The following SND1 variants were observed in gnomAD, a reference collection of about 807,000 sequenced individuals.
SND1 encodes staphylococcal nuclease and tudor domain containing 1.
SND1 carries 38 observed loss-of-function variants against 121.7 expected under a neutral mutation model. The ratio of observed to expected loss-of-function variants is 0.31; its 90% CI spans 0.24 to 0.41. The LOEUF (loss-of-function observed/expected upper bound fraction) is 0.41, where lower values mean the gene tolerates loss of function less well. SND1 is among the 10% of genes least tolerant of loss of function. The pLI is 1.00. For synonymous variants in SND1, 401 were observed against 447.4 expected (o/e 0.90, Z 1.31); for missense variants, 868 against 1,184.6 (o/e 0.73, Z 3.92).
chr7:127,864,316 G>C (rs1442795388), intron 12 of SND1, among the ~76,000 whole-genome samples: 1 of 151,632 alleles, frequency 6.6e-6, no homozygotes, highest in Admixed American at 6.6e-5. Context: ...CAATCTGATG[G>C]CTTCTCACTT....
intron 16 of SND1, among the ~76,000 whole-genome samples, chr7:128,071,663 C>T (rs1027342560): frequency 2.6e-5 from 4 of 152,174 alleles, no homozygotes; most frequent in Admixed American, 6.5e-5. Flanking sequence ...AGCGTCACAC[C>T]GAATTCCACA....
At chr7:128,076,091 T>C (rs1316264636) in intron 17 of SND1, among the ~76,000 whole-genome samples, 1 of 152,186 alleles carries the variant, frequency 6.6e-6, no homozygotes, top group Non-Finnish European at 1.5e-5. Flanking sequence ...TCCTGGCTTT[T>C]CAGCAGTGAA....
intron 10 of SND1, among the ~76,000 whole-genome samples, chr7:127,788,463 A>G (rs1797851966): frequency 1.3e-5 from 2 of 152,124 alleles, no homozygotes; most frequent in Admixed American, 1.3e-4. Context: ...CTTTTAATTT[A>G]CTCATTTAAT....
chr7:127,898,151 A>G (rs1800156017), intron 13 of SND1, among the ~76,000 whole-genome samples: 1 of 151,976 alleles, frequency 6.6e-6, no homozygotes, highest in Non-Finnish European at 1.5e-5. Flanking sequence ...GCCACTGTAG[A>G]TCCATTGTCA....
Position 128,028,580 on chromosome 7 carries a change from A to G in SND1, c.1779+37524A>G, listed in dbSNP as rs796839952. 8.0e-6 allele frequency: 9 copies of G among 1,118,816 alleles called. No individual in the cohort carries two copies. In the African/African-American group the frequency reaches 1.3e-4, roughly 16 times the overall value. 69.3% of individuals were successfully genotyped at this position (1,118,816 alleles called of 1,614,324 possible). A position where few individuals can be genotyped will look rare whatever the true frequency, so the allele number is the denominator to read the frequency against. On this transcript the variant is annotated intron_variant, in intron 16 of 23. Transcript: ENST00000354725. ...TTTAACCAGCCCATAGACTTAATAT[A>G]TAAGCATATACAAGAAAAAGTCTCT...
intron 10 of SND1, among the ~76,000 whole-genome samples, chr7:127,771,906 T>C (rs1056197376): frequency 8.5e-5 from 13 of 152,178 alleles, no homozygotes; most frequent in African/African-American, 3.1e-4. Context: ...GTGGTTTCGC[T>C]TCCGGCTGGG....
chr7:128,046,326 T>A (rs991931327), intron 16 of SND1, among the ~76,000 whole-genome samples: 1 of 150,676 alleles, frequency 6.6e-6, no homozygotes, highest in Non-Finnish European at 1.5e-5. Context: ...TTTTTTGGGG[T>A]TTTTTGTTTT....
chr7:128,078,599 G>A (rs183171860), intron 17 of SND1, among the ~76,000 whole-genome samples: 11 of 152,336 alleles, frequency 7.2e-5, no homozygotes, highest in East Asian at 1.9e-4. Context: ...GTGACCTCAC[G>A]CCTGCTGCCC....
At chr7:127,756,049 G>A (rs183464859) in intron 10 of SND1, among the ~76,000 whole-genome samples, 1 of 152,274 alleles carries the variant, frequency 6.6e-6, no homozygotes, top group East Asian at 1.9e-4. Context: ...AATGCTTGGG[G>A]ATTTATGGAG....
intron 16 of SND1, among the ~76,000 whole-genome samples, chr7:128,039,951 G>C (rs1030511950): frequency 6.6e-6 from 1 of 152,182 alleles, no homozygotes; most frequent in Non-Finnish European, 1.5e-5. Context: ...CTGAGTGCCA[G>C]AGCTATAGCA....
At chr7:127,686,877 C>A in intron 2 of SND1, 115 bp downstream of exon 2, 2 of 1,183,048 alleles carry the variant, frequency 1.7e-6, no homozygotes, top group Non-Finnish European at 2.4e-6. Context: ...ATTTTTATAT[C>A]ATAGAACTGC....
intron 16 of SND1, among the ~76,000 whole-genome samples, chr7:128,063,413 C>T (rs1025347413): frequency 1.3e-5 from 2 of 152,172 alleles, no homozygotes; most frequent in Admixed American, 6.5e-5. Flanking sequence ...AGTTTCTGCC[C>T]CTCTGGGTCC....
intron 11 of SND1, 26 bp from the exon 12 acceptor site, chr7:127,844,298 T>C: frequency 6.3e-7 from 1 of 1,599,406 alleles, no homozygotes; most frequent in Non-Finnish European, 8.6e-7. Flanking sequence ...CTCTCAACCC[T>C]AATTCCCTTG....
rs59825900 is a variant in SND1 at position 127,953,151 on chromosome 7, C to CGTGTGT, written c.1669+23887_1669+23892dup. 6.2e-4 allele frequency among the ~76,000 whole-genome samples: 57 copies of CGTGTGT among 92,334 alleles called. 1 individual carries two copies. Among genetic ancestry groups the CGTGTGT allele is most frequent in the African/African-American group, 8.0e-4 (20 of 24,982 alleles). 60.6% of individuals were successfully genotyped at this position (92,334 alleles called of 152,430 possible). A position where few individuals can be genotyped will look rare whatever the true frequency, so the allele number is the denominator to read the frequency against. On this transcript the variant is annotated intron_variant, in intron 15 of 23. Transcript: ENST00000354725. Reference sequence around the variant, plus strand: ...TGCACTCCAGCCTGGGTGACAAGACCGTGTGTGTGTGTGTGTGTGTGTGTG... The same window carrying CGTGTGT: ...TGCACTCCAGCCTGGGTGACAAGACCGTGTGTGTGTGTGTGTGTGTGTGTGTGTGTG...
chr7:128,075,943 AG>A (rs1793499510), intron 17 of SND1, among the ~76,000 whole-genome samples: 1 of 152,148 alleles, frequency 6.6e-6, no homozygotes, highest in Admixed American at 6.5e-5. Context: ...TGCTGCAGGG[AG>A]AGGGGGGGAG....
At chr7:128,036,794 T>G (rs1328372326) in intron 16 of SND1, among the ~76,000 whole-genome samples, 4 of 152,202 alleles carry the variant, frequency 2.6e-5, no homozygotes, top group African/African-American at 9.7e-5. Context: ...ATGTTCAAAT[T>G]GAAAAGAGAG....
intron 11 of SND1, among the ~76,000 whole-genome samples, chr7:127,829,681 T>G (rs1165495834): frequency 6.6e-6 from 1 of 152,218 alleles, no homozygotes; most frequent in East Asian, 1.9e-4. Context: ...AAACAAAGTA[T>G]GGTATATCCT....
At chr7:127,871,535 A>G (rs548232108) in intron 12 of SND1, among the ~76,000 whole-genome samples, 1 of 152,294 alleles carries the variant, frequency 6.6e-6, no homozygotes, top group Admixed American at 6.5e-5. Flanking sequence ...TCATTGACCA[A>G]AACATCATTA....
At chr7:127,983,602 T>C (rs1035689380) in intron 15 of SND1, among the ~76,000 whole-genome samples, 1 of 152,132 alleles carries the variant, frequency 6.6e-6, no homozygotes, top group African/African-American at 2.4e-5. Context: ...GAAAGTTCCA[T>C]CAAAACTGCC....
Sources: allele counts gnomAD v4.1 joint callset (sites outside exome capture counted in the v4.1 genomes callset), GRCh38; gene constraint gnomAD v4.1.1; transcripts MANE v1.5; gene names NCBI Gene and HGNC (gene_info 2026-07-23, HGNC 2026-07-21).